NAMPT: variants seen among roughly 807,000 people sequenced by gnomAD.
NAMPT encodes nicotinamide phosphoribosyltransferase, also known as NAmPRTase.
NAMPT carries 7 observed loss-of-function variants against 58.7 expected under a neutral mutation model. That is an observed-to-expected ratio of 0.12 (90% CI 0.07 to 0.22). The LOEUF (loss-of-function observed/expected upper bound fraction) is 0.22, where lower values mean the gene tolerates loss of function less well. Among genes scored for constraint, NAMPT ranks in the 10% least tolerant of loss-of-function variants. NAMPT has a pLI of 1.00. For missense variants in NAMPT, 271 were observed against 567.9 expected, an observed-to-expected ratio of 0.48 and a Z score of 5.31; for synonymous variants, 145 against 198.1, an observed-to-expected ratio of 0.73 and a Z score of 2.25.
chr7:106,267,871 A>AAAAAAC (rs1792454870), intron 6 of NAMPT, among the ~76,000 whole-genome samples: 1 of 137,228 alleles, frequency 7.3e-6, no homozygotes, highest in African/African-American at 2.8e-5. Context: ...AAAAAAAAAA[A>AAAAAAC]AAAAACAACC....
At chr7:106,260,361 C>A (rs1160234455) in intron 8 of NAMPT, among the ~76,000 whole-genome samples, 2 of 152,240 alleles carry the variant, frequency 1.3e-5, no homozygotes, top group Non-Finnish European at 2.9e-5. Flanking sequence ...AATTTTTCTT[C>A]TGCAGCTTCA....
At chr7:106,269,029 T>C in intron 5 of NAMPT, 125 bp downstream of exon 5, 2 of 837,740 alleles carry the variant, frequency 2.4e-6, no homozygotes, top group South Asian at 3.6e-5. Flanking sequence ...TGAATATGTA[T>C]CTGTTGGTTG....
At chr7:106,269,446 A>G (rs1417207349) in intron 4 of NAMPT, 134 bp from the exon 5 acceptor site, 3 of 771,070 alleles carry the variant, frequency 3.9e-6, no homozygotes, top group African/African-American at 1.8e-5. Flanking sequence ...AGAACTGCGC[A>G]GCAGGATGCC....
intron 8 of NAMPT, among the ~76,000 whole-genome samples, chr7:106,259,878 C>CTTTTT (rs78910620): frequency 1.7e-4 from 22 of 132,804 alleles, no homozygotes; most frequent in South Asian, 2.4e-4. Context: ...TCGAAACAAT[C>CTTTTT]TTTTTTTTTT....
chr7:106,263,261 G>A (rs890356191), intron 7 of NAMPT, 131 bp downstream of exon 7: 3 of 667,090 alleles, frequency 4.5e-6, no homozygotes, highest in Non-Finnish European at 7.8e-6. Flanking sequence ...TACTCTCTCT[G>A]GGCTGCAACT....
upstream of NAMPT, chr7:106,285,059 G>C: frequency 1.5e-6 from 2 of 1,357,136 alleles, no homozygotes; most frequent in Non-Finnish European, 1.9e-6. Flanking sequence ...CCCGGGAGCC[G>C]TGACGCGGCG....
chr7:106,270,788 G>C (rs1300835792), intron 4 of NAMPT, among the ~76,000 whole-genome samples: 1 of 152,192 alleles, frequency 6.6e-6, no homozygotes, highest in Non-Finnish European at 1.5e-5. Flanking sequence ...AGCCCTGGCT[G>C]AACCCTCAGC....
At chr7:106,270,401 T>A (rs1792510203) in intron 4 of NAMPT, 1 of 246,578 alleles carries the variant, frequency 4.1e-6, no homozygotes, top group African/African-American at 2.3e-5. Context: ...AAGTGATATA[T>A]AAATAAAACA....
chr7:106,275,237 A>C, intron 2 of NAMPT, 188 bp from the exon 3 acceptor site: 1 of 385,824 alleles, frequency 2.6e-6, no homozygotes, highest in Non-Finnish European at 4.7e-6. Context: ...AATAACTCAA[A>C]GTATAAATGT....
At chr7:106,285,673 G>A (rs747040639), upstream of NAMPT, 167 of 816,666 alleles carry the variant, frequency 2.0e-4, no homozygotes, top group Non-Finnish European at 2.4e-4. Context: ...CCTTTCATCT[G>A]ATGCAGCGAC....
intron 4 of NAMPT, chr7:106,270,433 C>G (rs17152826): frequency 3.3e-4 from 73 of 218,344 alleles, no homozygotes; most frequent in African/African-American, 1.7e-3. Context: ...TAACCTTGAA[C>G]TTGCCAATCT....
At chr7:106,271,078 A>G (rs1017906366) in intron 4 of NAMPT, among the ~76,000 whole-genome samples, 1 of 142,604 alleles carries the variant, frequency 7.0e-6, no homozygotes, top group African/African-American at 2.4e-5. Context: ...TTACCATTCT[A>G]AAACAAGTTT....
Position 106,261,568 on chromosome 7 carries a change from T to A in NAMPT, c.1089+20A>T. Reference sequence around the variant, plus strand: ...ATTATAAGAAATGCCTTATTGAAACTTTTAATATAAAACACATACCTCTTG... The same window carrying A: ...ATTATAAGAAATGCCTTATTGAAACATTTAATATAAAACACATACCTCTTG... On this transcript the variant is annotated intron_variant, in intron 8 of 10. Transcript: ENST00000222553. 2.0e-6 allele frequency: 3 copies of A among 1,497,296 alleles called. No individual in the cohort carries two copies. Among genetic ancestry groups the A allele is most frequent in the Non-Finnish European group, 2.7e-6 (3 of 1,092,544 alleles). The allele number at this position is 1,497,296 out of a possible 1,614,324, so 92.8% of individuals were successfully genotyped here. A position where few individuals can be genotyped will look rare whatever the true frequency, so the allele number is the denominator to read the frequency against.
rs956800411 is a variant in NAMPT at position 106,248,474 on chromosome 7, C to T, written c.*2609G>A. ...AGTGTGAGTTCTAAATTATGGCAAA[C>T]AGAACAATAAATACCTTGCCATTTT... is the stretch of plus-strand genomic sequence containing the variant. On this transcript the variant is annotated 3_prime_UTR_variant, in exon 11 of 11. Transcript: ENST00000222553. 4 of 152,326 alleles carry T rather than the reference C, an allele frequency of 2.6e-5. No homozygotes were observed. The highest frequency in any genetic ancestry group is 4.4e-5 in the Non-Finnish European group (3 of 67,936). The allele number at this position is 152,326 out of a possible 1,614,324, so 9.4% of individuals were successfully genotyped here.
chr7:106,281,736 C>A (rs757954020), intron 1 of NAMPT, among the ~76,000 whole-genome samples: 1 of 152,200 alleles, frequency 6.6e-6, no homozygotes, highest in Non-Finnish European at 1.5e-5. Context: ...AATACTCACT[C>A]ATAAACATGA....
chr7:106,267,931 AGATTGTAATTTCTTTCTTGGGT>A (rs1357264461), intron 6 of NAMPT, among the ~76,000 whole-genome samples: 1 of 145,514 alleles, frequency 6.9e-6, no homozygotes, highest in Non-Finnish European at 1.5e-5. Context: ...GCTGCAGTTT[AGATTGTAATTTCTTTCTTGGGT>A]AACTGGAGAT....
chr7:106,274,781 G>C (rs1792601862), intron 3 of NAMPT, among the ~76,000 whole-genome samples, 165 bp downstream of exon 3: 1 of 152,184 alleles, frequency 6.6e-6, no homozygotes, highest in African/African-American at 2.4e-5. Flanking sequence ...CTTGAACCTA[G>C]GAAGCAGAGG....
At chr7:106,259,274 T>C (rs1020480916) in intron 8 of NAMPT, among the ~76,000 whole-genome samples, 2 of 152,212 alleles carry the variant, frequency 1.3e-5, no homozygotes, top group African/African-American at 2.4e-5. Flanking sequence ...CACTGAAGTC[T>C]TGAAGTCAAA....
At chr7:106,280,393 T>A (rs1202700474) in intron 1 of NAMPT, among the ~76,000 whole-genome samples, 4 of 152,214 alleles carry the variant, frequency 2.6e-5, no homozygotes, top group Non-Finnish European at 5.9e-5. Flanking sequence ...AAATGTTAAG[T>A]AACGCTAACA....
Sources: gnomAD v4.1 joint callset for allele counts (sites outside exome capture counted in the v4.1 genomes callset) on GRCh38, gnomAD v4.1.1 for gene constraint, MANE v1.5 for transcripts, NCBI Gene and HGNC (gene_info 2026-07-23, HGNC 2026-07-21) for gene names.